The following SYT14 variants were observed in gnomAD, a reference collection of about 807,000 sequenced individuals.
SYT14 encodes synaptotagmin 14.
In SYT14, 32 loss-of-function variants were observed where a neutral mutation model predicts 74.2. The observed-to-expected ratio is 0.43, with a 90% CI of 0.33 to 0.58. SYT14 has a LOEUF of 0.58. Ranked by LOEUF, SYT14 falls within the 20% of genes least tolerant of loss-of-function variation. The probability of loss-of-function intolerance (pLI) is 0.05; values close to 1 mark genes in which losing one functional copy is unlikely to be tolerated. For synonymous variants in SYT14, 298 were observed against 337.7 expected (o/e 0.88, Z 1.29); for missense variants, 791 against 981.8 (o/e 0.81, Z 2.60).
chr1:210,127,251 C>T (rs1434604642), intron 7 of SYT14, among the ~76,000 whole-genome samples: 2 of 152,168 alleles, frequency 1.3e-5, no homozygotes, highest in African/African-American at 4.8e-5. Context: ...AGACATATTT[C>T]CCATTCTTAC....
rs1553267806 is a variant in SYT14, at chr1:210,026,638, A to ACT, written c.1312+5385_1312+5386insTC. Among the ~76,000 whole-genome samples the ACT allele has an allele frequency of 3.6e-4, 55 of 151,276 alleles. No homozygotes were observed. The East Asian group carries it at 6.3e-3, about 17-fold the overall frequency. ...CACACACACACACACACACACACACACACACTCACCCCTACTTGTCATTCT... is the reference window on the plus strand; with the variant it reads ...CACACACACACACACACACACACACACTCACACTCACCCCTACTTGTCATTCT... On this transcript the variant is annotated intron_variant, in intron 5 of 9. Transcript: ENST00000637265.
chr1:209,992,590 C>A (rs761382428), intron 2 of SYT14, among the ~76,000 whole-genome samples: 1 of 152,106 alleles, frequency 6.6e-6, no homozygotes, highest in South Asian at 2.1e-4. Flanking sequence ...ACAGTGTATA[C>A]TTATTCTGGT....
intron 2 of SYT14, among the ~76,000 whole-genome samples, chr1:209,967,099 C>T (rs961316351): frequency 1.8e-4 from 27 of 152,076 alleles, no homozygotes; most frequent in Admixed American, 1.7e-3. Flanking sequence ...GATTTTAAAA[C>T]TTTTTTTAGT....
chr1:209,938,286 A>G lies in SYT14; in HGVS notation c.-534+9A>G. 1.3e-6 allele frequency: 2 copies of G among 1,557,344 alleles called. No homozygotes were observed. Among genetic ancestry groups the G allele is most frequent in the South Asian group, 1.2e-5 (1 of 86,874 alleles). On this transcript the variant is annotated intron_variant, in intron 1 of 9. Transcript: ENST00000637265. The stretch of plus-strand genomic sequence containing the variant: ...CATCATGGCGATTGAAGGTAAGTGG[A>G]GGCTGACAGCGGGGAGCGAGGACCG...
intron 5 of SYT14, among the ~76,000 whole-genome samples, chr1:210,067,827 A>G (rs2081324608): frequency 6.6e-6 from 1 of 151,936 alleles, no homozygotes; most frequent in South Asian, 2.1e-4. Flanking sequence ...AGGAAGAAAT[A>G]AAACAGGAAT....
At chr1:210,100,185 C>T (rs1419374696) in exon 7 of SYT14, 1 of 1,613,914 alleles carries the variant, frequency 6.2e-7, no homozygotes, top group East Asian at 2.2e-5. Context: ...CAGGTGGCAA[C>T]TCATGGCAAG....
rs61826850 is a variant in SYT14 at position 210,063,124 on chromosome 1, C to T, written c.1313-31198C>T. ...TTTATAGCTTCTGGATTATATGTCA[C>T]GTTCAGAAAGACCTTTCCTGTTTTG... On this transcript the variant is annotated intron_variant, in intron 5 of 9. Transcript: ENST00000637265. Among the ~76,000 whole-genome samples, 397 of 150,520 alleles carry T rather than the reference C, an allele frequency of 2.6e-3. 4 individuals are homozygous for T. The highest frequency in any genetic ancestry group is 2.2e-3 in the Non-Finnish European group (151 of 67,442).
intron 5 of SYT14, 62 bp downstream of exon 4, chr1:210,021,316 G>T: frequency 7.1e-7 from 1 of 1,408,292 alleles, no homozygotes; most frequent in Non-Finnish European, 1.0e-6. Context: ...ACTTGTGCCT[G>T]AAATTCTAGG....
chr1:209,969,601 C>T (rs971153984), intron 2 of SYT14, among the ~76,000 whole-genome samples: 2 of 149,460 alleles, frequency 1.3e-5, no homozygotes, highest in South Asian at 4.2e-4. Flanking sequence ...GATTCTCCTT[C>T]CTCAGCCTCC....
chr1:210,162,986 C>G, exon 10 of SYT14: 2 of 452,922 alleles, frequency 4.4e-6, no homozygotes, highest in South Asian at 3.1e-5. Flanking sequence ...CAAAATATCT[C>G]ATTTAAGTGT....
chr1:210,044,971 T>G (rs2080858777), intron 5 of SYT14, among the ~76,000 whole-genome samples: 1 of 152,156 alleles, frequency 6.6e-6, no homozygotes, highest in South Asian at 2.1e-4. Context: ...TCTGTCCTTA[T>G]GATCCAGTCA....
At chr1:210,111,314 T>C (rs575960363) in intron 7 of SYT14, among the ~76,000 whole-genome samples, 3,324 of 151,598 alleles carry the variant, frequency 0.022, 114 homozygotes, top group African/African-American at 0.076. Context: ...AGTGGGGGAG[T>C]TTCTGAGCCA....
chr1:210,025,541 G>A (rs1223069230), intron 5 of SYT14, among the ~76,000 whole-genome samples: 1 of 152,102 alleles, frequency 6.6e-6, no homozygotes, highest in Non-Finnish European at 1.5e-5. Flanking sequence ...GGAACCTTTA[G>A]TGTATTTCTC....
At chr1:210,018,742 T>C (rs930506589) in intron 4 of SYT14, among the ~76,000 whole-genome samples, 1 of 152,208 alleles carries the variant, frequency 6.6e-6, no homozygotes, top group Non-Finnish European at 1.5e-5. Context: ...CCAAATGATT[T>C]TCAAAAATTG....
intron 2 of SYT14, among the ~76,000 whole-genome samples, chr1:210,012,461 A>G (rs996315578): frequency 2.0e-5 from 3 of 152,210 alleles, no homozygotes; most frequent in African/African-American, 7.2e-5. Flanking sequence ...AGGGAAGAAG[A>G]TCAATAAAAA....
chr1:209,954,491 ATC>A (rs1572061664), intron 2 of SYT14, among the ~76,000 whole-genome samples: 1 of 152,164 alleles, frequency 6.6e-6, no homozygotes, highest in East Asian at 1.9e-4. Context: ...AAGTATCTGA[ATC>A]TCTGTTTATC....
chr1:210,153,504 C>T (rs1366211142), intron 7 of SYT14, among the ~76,000 whole-genome samples: 3 of 152,076 alleles, frequency 2.0e-5, no homozygotes, highest in African/African-American at 7.2e-5. Flanking sequence ...TCATTTGTTA[C>T]ATTTATTCCT....
chr1:209,971,979 C>A (rs186777536), intron 2 of SYT14, among the ~76,000 whole-genome samples: 1 of 152,038 alleles, frequency 6.6e-6, no homozygotes, highest in East Asian at 1.9e-4. Context: ...CTTCTTTATG[C>A]GTCTGTTAGA....
chr1:209,979,525 T>C (rs999145629), intron 2 of SYT14, among the ~76,000 whole-genome samples: 9 of 152,136 alleles, frequency 5.9e-5, no homozygotes, highest in African/African-American at 2.2e-4. Context: ...CCATGGTGGC[T>C]TGCTGCACAG....
Sources: gnomAD v4.1 joint callset for allele counts (sites outside exome capture counted in the v4.1 genomes callset) on GRCh38, gnomAD v4.1.1 for gene constraint, MANE v1.5 for transcripts, NCBI Gene and HGNC (gene_info 2026-07-23, HGNC 2026-07-21) for gene names.